Variants in EYA1 observed in about 807,000 individuals in gnomAD.
EYA1 encodes EYA transcriptional coactivator and phosphatase 1, also known as protein phosphatase EYA1.
A neutral mutation model predicts 82.0 loss-of-function variants in EYA1; 16 were observed. The observed-to-expected ratio is 0.20, with a 90% confidence interval of 0.13 to 0.30. The LOEUF (loss-of-function observed/expected upper bound fraction) is 0.30. EYA1 is among the 10% of genes least tolerant of loss of function. The pLI is 1.00. For synonymous variants in EYA1, 261 were observed against 264.4 expected (o/e 0.99, Z 0.12); for missense variants, 633 against 730.7 (o/e 0.87, Z 1.54).
chr8:71,472,666 T>A (rs1809301130), intron 2 of EYA1, among the ~76,000 whole-genome samples: 1 of 151,782 alleles, frequency 6.6e-6, no homozygotes, highest in Admixed American at 6.6e-5. Context: ...ATAGGGTAAC[T>A]GCCAGCCATT....
intron 12 of EYA1, chr8:71,225,322 T>A (rs562736084): frequency 2.2e-6 from 1 of 456,062 alleles, no homozygotes; most frequent in African/African-American, 2.0e-5. Flanking sequence ...ATGGGGAGGG[T>A]ATGTGGTTTG....
chr8:71,276,321 A>G (rs1817167377), intron 9 of EYA1, among the ~76,000 whole-genome samples: 1 of 152,130 alleles, frequency 6.6e-6, no homozygotes, highest in African/African-American at 2.4e-5. Context: ...GTAGGCTCTT[A>G]GTGCTTGGTA....
intron 2 of EYA1, among the ~76,000 whole-genome samples, chr8:71,482,819 T>C (rs1258077593): frequency 1.3e-5 from 2 of 152,094 alleles, no homozygotes; most frequent in African/African-American, 4.8e-5. Context: ...TTACATGAAA[T>C]CAAAAGTAAA....
chr8:71,453,075 A>G (rs182785565), intron 2 of EYA1, among the ~76,000 whole-genome samples: 2 of 152,346 alleles, frequency 1.3e-5, no homozygotes, highest in Non-Finnish European at 2.9e-5. Context: ...AAGTCCTTAA[A>G]TGGCCTGATG....
intron 2 of EYA1, among the ~76,000 whole-genome samples, chr8:71,489,461 T>G (rs1179782427): frequency 1.3e-5 from 2 of 152,238 alleles, no homozygotes. Context: ...TGCATCATAA[T>G]GTACATACAT....
At chr8:71,234,084 T>C (rs567564675) in intron 12 of EYA1, among the ~76,000 whole-genome samples, 1 of 152,332 alleles carries the variant, frequency 6.6e-6, no homozygotes, top group South Asian at 2.1e-4. Flanking sequence ...GACTGCACTG[T>C]ACCTGCAGAC....
intron 2 of EYA1, among the ~76,000 whole-genome samples, chr8:71,450,682 A>G (rs567442067): frequency 1.6e-3 from 250 of 152,340 alleles, no homozygotes; most frequent in Non-Finnish European, 2.7e-3. Context: ...CTTGCCACAA[A>G]CCTTCTATTC....
At chr8:71,222,053 C>T (rs1809990388) in intron 12 of EYA1, among the ~76,000 whole-genome samples, 3 of 152,166 alleles carry the variant, frequency 2.0e-5, no homozygotes, top group Admixed American at 2.0e-4. Flanking sequence ...TGGGTCTCTT[C>T]CAAGTGCAGT....
At chr8:71,376,060 C>A (rs971210481) in intron 2 of EYA1, among the ~76,000 whole-genome samples, 8 of 152,180 alleles carry the variant, frequency 5.3e-5, no homozygotes, top group Admixed American at 5.2e-4. Context: ...AGTTAAAAAT[C>A]AAATGCAGGT....
intron 2 of EYA1, among the ~76,000 whole-genome samples, chr8:71,397,760 G>C (rs1364694261): frequency 2.0e-5 from 3 of 151,700 alleles, no homozygotes; most frequent in Non-Finnish European, 4.4e-5. Context: ...TCTAACAATT[G>C]TGTGTCTTGG....
chr8:71,508,652 G>A (rs1188494923), intron 2 of EYA1, among the ~76,000 whole-genome samples: 1 of 152,136 alleles, frequency 6.6e-6, no homozygotes, highest in African/African-American at 2.4e-5. Context: ...CACCTTGTGA[G>A]TACACAGTTT....
At chr8:71,331,222 C>G (rs1823807627) in intron 4 of EYA1, among the ~76,000 whole-genome samples, 1 of 149,860 alleles carries the variant, frequency 6.7e-6, no homozygotes, top group African/African-American at 2.5e-5. Context: ...GAGTGAGACT[C>G]TGTCTCTAAA....
intron 2 of EYA1, among the ~76,000 whole-genome samples, chr8:71,402,570 G>T (rs947401871): frequency 2.0e-5 from 3 of 152,116 alleles, no homozygotes; most frequent in African/African-American, 7.2e-5. Context: ...TCAAAGCAAA[G>T]TGTATTAAGT....
intron 12 of EYA1, among the ~76,000 whole-genome samples, chr8:71,237,699 T>A (rs1299380321): frequency 6.6e-6 from 1 of 152,244 alleles, no homozygotes; most frequent in Non-Finnish European, 1.5e-5. Context: ...ATATATTTAC[T>A]GGGTCCTCCT....
intron 7 of EYA1, among the ~76,000 whole-genome samples, chr8:71,301,232 G>A (rs976780903): frequency 1.3e-5 from 2 of 152,108 alleles, no homozygotes; most frequent in Admixed American, 6.6e-5. Flanking sequence ...AGAGTTTCCA[G>A]TTCATCATTT....
chr8:71,455,057 A>G (rs1807761968), intron 2 of EYA1, among the ~76,000 whole-genome samples: 1 of 152,198 alleles, frequency 6.6e-6, no homozygotes, highest in Admixed American at 6.5e-5. Context: ...AAGACACAAT[A>G]AAAACTGATA....
At chr8:71,481,836 CAGGAGG>C (rs1314048528) in intron 2 of EYA1, among the ~76,000 whole-genome samples, 4 of 151,432 alleles carry the variant, frequency 2.6e-5, no homozygotes, top group African/African-American at 7.3e-5. Flanking sequence ...GAAGGAGGAG[CAGGAGG>C]AGGAGGAGGA....
chr8:71,392,644 A>G (rs563594873), intron 2 of EYA1, among the ~76,000 whole-genome samples: 1 of 152,222 alleles, frequency 6.6e-6, no homozygotes, highest in Non-Finnish European at 1.5e-5. Flanking sequence ...AATCATTCTC[A>G]CCTGCTGTAT....
At chr8:71,458,313 T>C (rs1213102262) in intron 2 of EYA1, among the ~76,000 whole-genome samples, 1 of 152,146 alleles carries the variant, frequency 6.6e-6, no homozygotes, top group Non-Finnish European at 1.5e-5. Context: ...ATACCAGGTG[T>C]TAAGAATTAC....
Sources: allele counts gnomAD v4.1 joint callset (sites outside exome capture counted in the v4.1 genomes callset), GRCh38; gene constraint gnomAD v4.1.1; transcripts MANE v1.5; gene names NCBI Gene and HGNC (gene_info 2026-07-23, HGNC 2026-07-21).